The following CSMD1 variants were observed in gnomAD, a reference collection of about 807,000 sequenced individuals.
CSMD1 encodes CUB and Sushi multiple domains 1.
CSMD1 carries 213 observed loss-of-function variants against 417.5 expected under a neutral mutation model. The ratio of observed to expected loss-of-function variants is 0.51; its 90% CI spans 0.46 to 0.57. The LOEUF is 0.57. Ranked by LOEUF, CSMD1 falls within the 20% of genes least tolerant of loss-of-function variation. The pLI, the probability that CSMD1 is intolerant of heterozygous loss-of-function variation, is 0.00. For synonymous variants in CSMD1, 2,862 were observed against 1,736.8 expected (o/e 1.65, Z -16.11); for missense variants, 6,923 against 4,529.7 (o/e 1.53, Z -15.17).
chr8:4,972,308 TCCC>T (rs1810287517), intron 1 of CSMD1, among the ~76,000 whole-genome samples: 1 of 150,980 alleles, frequency 6.6e-6, no homozygotes, highest in African/African-American at 2.5e-5. Flanking sequence ...TGAATTGTAA[TCCC>T]CTACTCCCGA....
intron 41 of CSMD1, among the ~76,000 whole-genome samples, chr8:3,135,694 G>A (rs1003516989): frequency 1.3e-5 from 2 of 152,026 alleles, no homozygotes; most frequent in South Asian, 2.1e-4. Context: ...ATGCTCTTGA[G>A]TGAAGTCTGC....
chr8:4,790,599 A>G (rs955938202), intron 1 of CSMD1, among the ~76,000 whole-genome samples: 5 of 152,224 alleles, frequency 3.3e-5, no homozygotes, highest in East Asian at 3.9e-4. Flanking sequence ...AAGCTACAGT[A>G]ACTAAAACAG....
intron 1 of CSMD1, among the ~76,000 whole-genome samples, chr8:4,841,170 C>T (rs181040607): frequency 7.4e-4 from 113 of 152,296 alleles, no homozygotes; most frequent in Non-Finnish European, 1.4e-3. Flanking sequence ...GTCAGAGCTT[C>T]TCCTCTCCTT....
intron 5 of CSMD1, among the ~76,000 whole-genome samples, chr8:3,983,080 T>G (rs991115853): frequency 2.0e-5 from 3 of 151,626 alleles, no homozygotes; most frequent in South Asian, 4.2e-4. Context: ...CCCAGGAGCC[T>G]CTAATGATGT....
At chr8:3,495,945 T>C (rs369262928) in intron 10 of CSMD1, among the ~76,000 whole-genome samples, 3 of 152,274 alleles carry the variant, frequency 2.0e-5, no homozygotes, top group East Asian at 1.9e-4. Context: ...GGGCAGGATG[T>C]GCAGGTTTGG....
chr8:4,898,112 G>A (rs1292787315), intron 1 of CSMD1, among the ~76,000 whole-genome samples: 2 of 152,120 alleles, frequency 1.3e-5, no homozygotes, highest in Non-Finnish European at 2.9e-5. Context: ...AAACGAATAA[G>A]TAAATAAATA....
intron 2 of CSMD1, among the ~76,000 whole-genome samples, chr8:4,484,832 G>C (rs758158793): frequency 6.6e-6 from 1 of 151,734 alleles, no homozygotes; most frequent in Non-Finnish European, 1.5e-5. Context: ...AATTAGCCGG[G>C]CATGGTGGCA....
intron 3 of CSMD1, among the ~76,000 whole-genome samples, chr8:4,102,584 T>C (rs73502995): frequency 0.034 from 5,133 of 152,232 alleles, 297 homozygotes; most frequent in African/African-American, 0.12. Flanking sequence ...GCTGAAATAA[T>C]TCAATCTAAT....
chr8:4,066,358 A>G (rs773316882), intron 3 of CSMD1, among the ~76,000 whole-genome samples: 19 of 152,070 alleles, frequency 1.2e-4, no homozygotes, highest in Non-Finnish European at 2.6e-4. Flanking sequence ...GTATGTGTGT[A>G]TTTCTAAGTC....
intron 5 of CSMD1, among the ~76,000 whole-genome samples, chr8:3,986,973 T>C (rs919888527): frequency 6.6e-6 from 1 of 152,310 alleles, no homozygotes; most frequent in South Asian, 2.1e-4. Context: ...CAGGCTGTTC[T>C]TGAACTACTG....
Position 3,308,493 on chromosome 8 carries a change from C to A in CSMD1, c.3642G>T (p.Leu1214=). The A allele has an allele frequency of 6.2e-7, 1 of 1,611,644 alleles. No individual in the cohort carries two copies. The highest frequency in any genetic ancestry group is 8.5e-7 in the Non-Finnish European group (1 of 1,178,476). ...GFQLTYTSFD[L]VKCEDPGIPN... ...GGATGCCCGGATCCTCACATTTTAC[C>A]AGATCAAAACCTGCAAGAGAGAAAG... Residue 1214 remains leucine, a synonymous_variant, in exon 24 of 70, where the codon CTG becomes CTT. Coordinates refer to ENST00000635120, the MANE Select transcript of CSMD1 (RefSeq NM_033225.6).
At chr8:3,563,912 C>A (rs1228029612) in intron 10 of CSMD1, among the ~76,000 whole-genome samples, 1 of 152,038 alleles carries the variant, frequency 6.6e-6, no homozygotes, top group African/African-American at 2.4e-5. Flanking sequence ...CAGACAAACA[C>A]ACCAACATAT....
At chr8:3,404,056 C>G (rs552185729) in intron 15 of CSMD1, among the ~76,000 whole-genome samples, 2 of 152,144 alleles carry the variant, frequency 1.3e-5, no homozygotes, top group Non-Finnish European at 2.9e-5. Flanking sequence ...CCCTCCTTTA[C>G]GTGTAGTATT....
chr8:3,869,898 G>C (rs1805364371), intron 5 of CSMD1, among the ~76,000 whole-genome samples: 1 of 151,770 alleles, frequency 6.6e-6, no homozygotes, highest in African/African-American at 2.4e-5. Context: ...TGCTTGAAGG[G>C]CTTAAAGGAA....
At chr8:4,307,333 G>A (rs577993611) in intron 3 of CSMD1, among the ~76,000 whole-genome samples, 43 of 152,196 alleles carry the variant, frequency 2.8e-4, no homozygotes, top group Admixed American at 2.4e-3. Context: ...CCACATTGAG[G>A]CTGAAAATGA....
Position 4,145,936 on chromosome 8 carries a change from G to C in CSMD1, c.416-113837C>G, listed in dbSNP as rs148368777. Among the ~76,000 whole-genome samples the C allele has an allele frequency of 1.2e-4, 18 of 151,000 alleles. 1 individual carries two copies. Among genetic ancestry groups the C allele is most frequent in the Middle Eastern group, 3.4e-3 (1 of 294 alleles). On this transcript the variant is annotated intron_variant, in intron 3 of 69. Coordinates refer to ENST00000635120, the MANE Select transcript of CSMD1 (RefSeq NM_033225.6). The stretch of plus-strand genomic sequence containing the variant: ...ACATGATTGGCCCCATTGTTTGTAA[G>C]ACTGACCACGCTGTTTCTTGTTACC...
At position 4,680,580 on chromosome 8, in the gene CSMD1, AGTTTTTGTGTTT is replaced by A. The variant is rs573526115; in HGVS notation, c.86-43034_86-43023del. On this transcript the variant is annotated intron_variant, in intron 1 of 69. Transcript: ENST00000635120. ...ATAGGGGGCCACCACATTCTAAGAT[AGTTTTTGTGTTT>A]GTTTTTGTGACAGAGTCTTCCTCTG... Among the ~76,000 whole-genome samples, 163 of 152,092 alleles carry A rather than the reference AGTTTTTGTGTTT, an allele frequency of 1.1e-3. 1 individual carries two copies. Among genetic ancestry groups the A allele is most frequent in the Middle Eastern group, 3.4e-3 (1 of 294 alleles).
At chr8:4,904,534 C>T (rs1246887278) in intron 1 of CSMD1, among the ~76,000 whole-genome samples, 1 of 152,080 alleles carries the variant, frequency 6.6e-6, no homozygotes, top group Non-Finnish European at 1.5e-5. Flanking sequence ...TCCTACACTG[C>T]CCTCTCTGTG....
intron 4 of CSMD1, among the ~76,000 whole-genome samples, chr8:3,998,428 C>T (rs1815395678): frequency 6.6e-6 from 1 of 152,160 alleles, no homozygotes; most frequent in South Asian, 2.1e-4. Context: ...CAGAGATTTT[C>T]TCCGAATCCT....
Sources: allele counts gnomAD v4.1 joint callset (sites outside exome capture counted in the v4.1 genomes callset), GRCh38; gene constraint gnomAD v4.1.1; transcripts MANE v1.5; gene names NCBI Gene and HGNC (gene_info 2026-07-23, HGNC 2026-07-21).